The following WWOX variants were observed in gnomAD, a reference collection of about 807,000 sequenced individuals.
WWOX encodes WW domain-containing oxidoreductase.
A neutral mutation model predicts 46.2 loss-of-function variants in WWOX; 69 were observed. The observed-to-expected ratio is 1.49, with a 90% CI of 1.23 to 1.82. The LOEUF (loss-of-function observed/expected upper bound fraction) is 1.82. WWOX is among the 40% of genes most tolerant of loss of function. WWOX has a pLI of 0.00. For synonymous variants in WWOX, 359 were observed against 202.6 expected, an observed-to-expected ratio of 1.77 and a Z score of -6.56; for missense variants, 919 against 542.6, an observed-to-expected ratio of 1.69 and a Z score of -6.89.
intron 8 of WWOX, among the ~76,000 whole-genome samples, chr16:78,915,045 C>A (rs112202699): frequency 6.6e-6 from 1 of 152,060 alleles, no homozygotes; most frequent in Non-Finnish European, 1.5e-5. Context: ...TTAGCCTGAT[C>A]CACAAGTTCA....
At chr16:78,650,026 T>C (rs1597394313) in intron 8 of WWOX, among the ~76,000 whole-genome samples, 2 of 152,188 alleles carry the variant, frequency 1.3e-5, no homozygotes, top group African/African-American at 4.8e-5. Flanking sequence ...ATTATTTGTA[T>C]ATTGGAAGCC....
intron 8 of WWOX, among the ~76,000 whole-genome samples, chr16:79,163,218 G>C (rs781732356): frequency 4.7e-4 from 71 of 152,156 alleles, no homozygotes; most frequent in Middle Eastern, 3.2e-3. Context: ...AGGGAAGAAA[G>C]TGAGGAATAG....
At chr16:78,352,563 G>A (rs971901088) in intron 5 of WWOX, among the ~76,000 whole-genome samples, 2 of 152,212 alleles carry the variant, frequency 1.3e-5, no homozygotes, top group African/African-American at 4.8e-5. Context: ...TTCTGCTTCT[G>A]CTTTTAAGGA....
chr16:79,115,043 G>T (rs1043756482), intron 8 of WWOX, among the ~76,000 whole-genome samples: 3 of 152,224 alleles, frequency 2.0e-5, no homozygotes, highest in Non-Finnish European at 4.4e-5. Context: ...GTTCCTGCCT[G>T]CTCTGATGAC....
At chr16:79,091,321 C>G (rs947299356) in intron 8 of WWOX, among the ~76,000 whole-genome samples, 1 of 151,784 alleles carries the variant, frequency 6.6e-6, no homozygotes, top group Non-Finnish European at 1.5e-5. Flanking sequence ...TATGCTGATC[C>G]CAGTGCATGA....
rs61207788 is a variant in WWOX at position 78,410,805 on chromosome 16, CAAAA to C, written c.606-14045_606-14042del. Among the ~76,000 whole-genome samples, 338 of 74,976 alleles carry C rather than the reference CAAAA, an allele frequency of 4.5e-3. 1 individual carries two copies. The highest frequency in any genetic ancestry group is 0.012 in the African/African-American group (307 of 26,148). 49.2% of individuals were successfully genotyped at this position (74,976 alleles called of 152,430 possible). ...TGGGTGAAAGAGCAAGGCCCCACCT[CAAAA>C]AAAAAAAAAAAAAAAAAAAGTTAGC... On this transcript the variant is annotated intron_variant, in intron 6 of 8. Transcript: ENST00000566780.
chr16:78,458,724 C>G (rs1032826008), intron 8 of WWOX, among the ~76,000 whole-genome samples: 5 of 152,022 alleles, frequency 3.3e-5, no homozygotes, highest in African/African-American at 9.7e-5. Context: ...AAATACATGT[C>G]TATATGTGTA....
chr16:79,130,101 G>T (rs564912476), intron 8 of WWOX, among the ~76,000 whole-genome samples: 2 of 152,180 alleles, frequency 1.3e-5, no homozygotes, highest in South Asian at 4.1e-4. Context: ...ATTTCCATCT[G>T]TGTGTTACAG....
chr16:78,719,213 C>T (rs2048637747), intron 8 of WWOX, among the ~76,000 whole-genome samples: 1 of 152,276 alleles, frequency 6.6e-6, no homozygotes, highest in East Asian at 1.9e-4. Context: ...ACAGTCAGTG[C>T]AGGTAATGTG....
intron 8 of WWOX, among the ~76,000 whole-genome samples, chr16:79,006,274 TGGA>T (rs1472225479): frequency 1.3e-5 from 2 of 152,010 alleles, no homozygotes; most frequent in African/African-American, 2.4e-5. Context: ...GTCCTGGGAA[TGGA>T]GGAGAAGATG....
intron 8 of WWOX, among the ~76,000 whole-genome samples, chr16:79,154,273 G>T (rs375700851): frequency 6.6e-6 from 1 of 152,202 alleles, no homozygotes; most frequent in South Asian, 2.1e-4. Flanking sequence ...TGAGGTCACC[G>T]TGGGAATGGC....
At position 78,673,254 on chromosome 16, in the gene WWOX, A is replaced by G. The variant is rs374306262; in HGVS notation, c.1056+240502A>G. 1.3e-3 allele frequency among the ~76,000 whole-genome samples: 196 copies of G among 152,308 alleles called. 1 individual carries two copies. Among genetic ancestry groups the G allele is most frequent in the African/African-American group, 4.5e-3 (188 of 41,584 alleles). ...CATGTAATTTCTTCTTGGAAGTGAA[A>G]GGCACTGGAGAATGGTGCAGAATAA... On this transcript the variant is annotated intron_variant, in intron 8 of 8. Coordinates refer to ENST00000566780, the MANE Select transcript of WWOX (RefSeq NM_016373.4).
intron 8 of WWOX, among the ~76,000 whole-genome samples, chr16:79,030,333 A>C (rs1024861225): frequency 6.6e-6 from 1 of 152,220 alleles, no homozygotes; most frequent in African/African-American, 2.4e-5. Context: ...TCTTCTGAAA[A>C]GGAATCTGAC....
intron 8 of WWOX, among the ~76,000 whole-genome samples, chr16:78,834,241 A>G (rs1016262623): frequency 2.6e-5 from 4 of 152,218 alleles, no homozygotes; most frequent in African/African-American, 7.2e-5. Context: ...CTGATAGCAA[A>G]CATGGAGAGG....
Position 78,763,727 on chromosome 16 carries a change from G to C in WWOX, c.1056+330975G>C, listed in dbSNP as rs183336992. Among the ~76,000 whole-genome samples the C allele has an allele frequency of 1.4e-3, 210 of 152,242 alleles. 1 individual carries two copies. Among genetic ancestry groups the C allele is most frequent in the African/African-American group, 4.7e-3 (195 of 41,550 alleles). On this transcript the variant is annotated intron_variant, in intron 8 of 8. Coordinates refer to ENST00000566780, the MANE Select transcript of WWOX (RefSeq NM_016373.4). ...TTGTTATTTGGTATTCACGAGTTTT[G>C]TCTCAATTCCTTTTGATTCTTCTTT...
chr16:78,980,122 C>A (rs991867658), intron 8 of WWOX, among the ~76,000 whole-genome samples: 1 of 152,166 alleles, frequency 6.6e-6, no homozygotes, highest in East Asian at 1.9e-4. Context: ...AGCGAGACTC[C>A]ATCTCAAATC....
At chr16:78,512,833 C>G (rs949361081) in intron 8 of WWOX, among the ~76,000 whole-genome samples, 17 of 152,278 alleles carry the variant, frequency 1.1e-4, no homozygotes, top group African/African-American at 4.1e-4. Flanking sequence ...ACAGAGCAGT[C>G]CCTTTGCTTC....
intron 8 of WWOX, among the ~76,000 whole-genome samples, chr16:78,627,674 C>T (rs1222677161): frequency 2.0e-5 from 3 of 152,154 alleles, no homozygotes; most frequent in Non-Finnish European, 2.9e-5. Flanking sequence ...TTGACAGGGA[C>T]AAGAAATAAA....
intron 5 of WWOX, among the ~76,000 whole-genome samples, chr16:78,173,705 A>T (rs963013505): frequency 2.6e-5 from 4 of 152,148 alleles, no homozygotes; most frequent in Non-Finnish European, 2.9e-5. Context: ...GGGAAAGCTA[A>T]CTTGTCCAAT....
Sources: allele counts gnomAD v4.1 joint callset (sites outside exome capture counted in the v4.1 genomes callset), GRCh38; gene constraint gnomAD v4.1.1; transcripts MANE v1.5; gene names NCBI Gene and HGNC (gene_info 2026-07-23, HGNC 2026-07-21).